GALNT1: variants seen among roughly 807,000 people sequenced by gnomAD.
GALNT1 encodes GalNAc transferase 1.
In GALNT1, 17 loss-of-function variants were observed where a neutral mutation model predicts 65.7. The ratio of observed to expected loss-of-function variants is 0.26; its 90% CI spans 0.18 to 0.39. The LOEUF (loss-of-function observed/expected upper bound fraction) is 0.39. GALNT1 is among the 10% of genes least tolerant of loss of function. The probability of loss-of-function intolerance (pLI) is 1.00; values close to 1 mark genes in which losing one functional copy is unlikely to be tolerated. For synonymous variants in GALNT1, 210 were observed against 219.7 expected (o/e 0.96, Z 0.39); for missense variants, 460 against 672.8 (o/e 0.68, Z 3.50).
At chr18:35,703,354 G>A (rs1449750067) in intron 10 of GALNT1, among the ~76,000 whole-genome samples, 155 bp from the exon 11 acceptor site, 4 of 152,118 alleles carry the variant, frequency 2.6e-5, no homozygotes, top group Non-Finnish European at 4.4e-5. Flanking sequence ...TAAATTAGTG[G>A]TAGCTTTTCT....
chr18:35,590,343 T>G (rs2046428756), intron 1 of GALNT1, among the ~76,000 whole-genome samples: 1 of 152,212 alleles, frequency 6.6e-6, no homozygotes, highest in South Asian at 2.1e-4. Context: ...AATTTATGAC[T>G]TCTAATGTTA....
chr18:35,587,876 T>A (rs1262653758), intron 1 of GALNT1, among the ~76,000 whole-genome samples: 2 of 152,242 alleles, frequency 1.3e-5, no homozygotes, highest in African/African-American at 4.8e-5. Context: ...TGTCTGTTTT[T>A]ATTTTATCTT....
intron 8 of GALNT1, 145 bp from the exon 9 acceptor site, chr18:35,692,036 G>A (rs2047972300): frequency 6.7e-6 from 4 of 600,860 alleles, no homozygotes; most frequent in Non-Finnish European, 8.5e-6. Context: ...ACTTTTGGTG[G>A]ATTCATGGTG....
chr18:35,615,848 GT>G (rs1213170904), intron 1 of GALNT1, among the ~76,000 whole-genome samples: 1 of 152,228 alleles, frequency 6.6e-6, no homozygotes, highest in Non-Finnish European at 1.5e-5. Context: ...GTTGGACATT[GT>G]CAAGTATACC....
chr18:35,692,181 G>C lies in GALNT1; in HGVS notation c.1160G>C (p.Gly387Ala). The C allele has an allele frequency of 6.2e-7, 1 of 1,604,246 alleles. No individual in the cohort carries two copies. The highest frequency in any genetic ancestry group is 8.5e-7 in the Non-Finnish European group (1 of 1,175,594). The change falls in exon 9 of 12, where the codon GGT becomes GCT. Residue 387 changes from glycine (G) to alanine (A), a missense_variant and splice_region_variant. Gly to Ala is a moderately conservative substitution (Grantham distance 60). Coordinates refer to ENST00000269195, the MANE Select transcript of GALNT1 (RefSeq NM_020474.4). ...CAGAGTCAATTATTTCTTTCAACAG[G>C]TGTTACAAAGGTAGATTATGGAGAT... is the stretch of plus-strand genomic sequence containing the variant. ...FKNFFYIISPGVTKVDYGDIS... is the reference protein window; with the variant it reads ...FKNFFYIISPAVTKVDYGDIS...
chr18:35,688,536 A>AGCCCTATTTTGATGAATT (rs2047904573), intron 6 of GALNT1, among the ~76,000 whole-genome samples: 2 of 152,112 alleles, frequency 1.3e-5, no homozygotes, highest in Non-Finnish European at 2.9e-5. Flanking sequence ...TGCATACCTG[A>AGCCCTATTTTGATGAATT]GCCCTATTTT....
intron 1 of GALNT1, among the ~76,000 whole-genome samples, chr18:35,624,665 C>T (rs374304757): frequency 1.3e-5 from 2 of 152,006 alleles, no homozygotes; most frequent in African/African-American, 4.8e-5. Flanking sequence ...TTTTCTATTT[C>T]CTCCTTTTTC....
At chr18:35,600,217 C>T (rs1188835229) in intron 1 of GALNT1, among the ~76,000 whole-genome samples, 1 of 152,060 alleles carries the variant, frequency 6.6e-6, no homozygotes, top group Admixed American at 6.5e-5. Flanking sequence ...TTATAGTTTT[C>T]CTTGTAGAGA....
Position 35,709,844 on chromosome 18 carries a change from T to A in GALNT1, c.*74T>A. ...TCAGCATACATTTCTGCCACATTCT[T>A]AAGTAGCAAAAAAGGAAAAGTGCTT... On this transcript the variant is annotated 3_prime_UTR_variant, in exon 12 of 12. Coordinates refer to ENST00000269195, the MANE Select transcript of GALNT1 (RefSeq NM_020474.4). 1 of 1,543,460 alleles carries A rather than the reference T, an allele frequency of 6.5e-7. No homozygotes were observed. The highest frequency in any genetic ancestry group is 8.8e-7 in the Non-Finnish European group (1 of 1,135,074).
At position 35,711,605 on chromosome 18, in the gene GALNT1, A is replaced by C. The variant is rs901428543; in HGVS notation, c.*1835A>C. ...GAATAAGCAAGATGTCTAATCAATA[A>C]ATTATTTTCATGCTCAGAATTTCAG... On this transcript the variant is annotated 3_prime_UTR_variant, in exon 12 of 12. Coordinates refer to ENST00000269195, the MANE Select transcript of GALNT1 (RefSeq NM_020474.4). 1.3e-5 allele frequency: 2 copies of C among 152,174 alleles called. No individual in the cohort carries two copies. Among genetic ancestry groups the C allele is most frequent in the African/African-American group, 2.4e-5 (1 of 41,442 alleles). 9.4% of individuals were successfully genotyped at this position (152,174 alleles called of 1,614,324 possible). A position where few individuals can be genotyped will look rare whatever the true frequency, so the allele number is the denominator to read the frequency against.
intron 2 of GALNT1, among the ~76,000 whole-genome samples, chr18:35,660,824 TTAGAG>T (rs1235358683): frequency 6.6e-6 from 1 of 152,222 alleles, no homozygotes; most frequent in Non-Finnish European, 1.5e-5. Context: ...TTATTAATAA[TTAGAG>T]TATTGTGGTG....
At chr18:35,596,990 A>G (rs573172172) in intron 1 of GALNT1, 9 of 152,344 alleles carry the variant, frequency 5.9e-5, no homozygotes, top group African/African-American at 2.2e-4. Context: ...TTTATTGGAA[A>G]GGAATTAGAA....
chr18:35,581,295 C>G, upstream of GALNT1: 1 of 151,682 alleles, frequency 6.6e-6, no homozygotes, highest in Middle Eastern at 3.4e-3. Flanking sequence ...CCCGGCCCTG[C>G]CCGTAGCCGT....
At chr18:35,583,474 T>C (rs2046347245) in intron 1 of GALNT1, among the ~76,000 whole-genome samples, 1 of 152,188 alleles carries the variant, frequency 6.6e-6, no homozygotes, top group Admixed American at 6.5e-5. Flanking sequence ...GCTTTCTCAA[T>C]AGAGTTTAAG....
intron 9 of GALNT1, among the ~76,000 whole-genome samples, chr18:35,698,225 T>C (rs1378421713): frequency 2.6e-5 from 4 of 152,208 alleles, no homozygotes; most frequent in African/African-American, 9.6e-5. Flanking sequence ...GGCAGCACTT[T>C]GGGAAGCCGA....
chr18:35,635,828 A>G (rs2047081609), intron 1 of GALNT1, among the ~76,000 whole-genome samples: 1 of 152,078 alleles, frequency 6.6e-6, no homozygotes, highest in South Asian at 2.1e-4. Flanking sequence ...TTATATAATG[A>G]TATGTGTTAT....
rs547703988 is a variant in GALNT1, at chr18:35,593,855, C to T, written c.-104+11993C>T. On this transcript the variant is annotated intron_variant, in intron 1 of 11. Coordinates refer to ENST00000269195, the MANE Select transcript of GALNT1 (RefSeq NM_020474.4). ...TCCTGAGTAGCTGGGACTACAGGCA[C>T]GTGCCATCACACCTGGCTAAGTTTT... Among the ~76,000 whole-genome samples the T allele has an allele frequency of 6.6e-5, 10 of 152,032 alleles. No individual in the cohort carries two copies. In the East Asian group the frequency reaches 1.4e-3, roughly 21 times the overall value.
At chr18:35,629,914 C>G (rs1167285075) in intron 1 of GALNT1, among the ~76,000 whole-genome samples, 2 of 152,130 alleles carry the variant, frequency 1.3e-5, no homozygotes, top group Admixed American at 6.5e-5. Context: ...ATCCTAGTTT[C>G]TGATAAGTCA....
At chr18:35,668,699 A>G (rs2047584288) in intron 3 of GALNT1, among the ~76,000 whole-genome samples, 1 of 152,214 alleles carries the variant, frequency 6.6e-6, no homozygotes, top group Non-Finnish European at 1.5e-5. Flanking sequence ...TACCTGCTAT[A>G]CAGTATTGTG....
Sources: gnomAD v4.1 joint callset for allele counts (sites outside exome capture counted in the v4.1 genomes callset) on GRCh38, gnomAD v4.1.1 for gene constraint, MANE v1.5 for transcripts, NCBI Gene and HGNC (gene_info 2026-07-23, HGNC 2026-07-21) for gene names.